The following DLG2 variants were observed in gnomAD, a reference collection of about 807,000 sequenced individuals.
DLG2 encodes discs large MAGUK scaffold protein 2, also known as disks large homolog 2.
Under a neutral mutation model 132.5 loss-of-function variants are expected in DLG2, and 45 were observed. The ratio of observed to expected loss-of-function variants is 0.34; its 90% CI spans 0.27 to 0.44. The LOEUF is 0.44. Among genes scored for constraint, DLG2 ranks in the 20% least tolerant of loss-of-function variants. DLG2 has a pLI of 1.00. For missense variants in DLG2, 1,045 were observed against 1,196.9 expected (o/e 0.87, Z 1.87); for synonymous variants, 424 against 419.6 (o/e 1.01, Z -0.13).
At chr11:85,010,896 G>C (rs1480652723) in intron 6 of DLG2, among the ~76,000 whole-genome samples, 7 of 152,104 alleles carry the variant, frequency 4.6e-5, no homozygotes, top group Non-Finnish European at 8.8e-5. Context: ...TTCTCAAGCA[G>C]TTTGTCTTAT....
At chr11:85,319,961 G>A (rs1157007573) in intron 3 of DLG2, among the ~76,000 whole-genome samples, 1 of 151,644 alleles carries the variant, frequency 6.6e-6, no homozygotes, top group Non-Finnish European at 1.5e-5. Context: ...AACATTTTTG[G>A]GTACTCAATC....
intron 15 of DLG2, among the ~76,000 whole-genome samples, chr11:83,905,645 T>C (rs1164936302): frequency 3.9e-5 from 6 of 152,198 alleles, no homozygotes; most frequent in Non-Finnish European, 7.3e-5. Context: ...ATATATGTTT[T>C]ATGGACCACT....
At chr11:84,727,305 C>G (rs2062600598) in intron 6 of DLG2, among the ~76,000 whole-genome samples, 1 of 152,130 alleles carries the variant, frequency 6.6e-6, no homozygotes, top group Non-Finnish European at 1.5e-5. Context: ...TGTCAGTTTT[C>G]TGCATATGGC....
At position 83,884,374 on chromosome 11, in the gene DLG2, G is replaced by A. The variant is rs534385730; in HGVS notation, c.1497-9886C>T. On this transcript the variant is annotated intron_variant, in intron 15 of 27. Coordinates refer to ENST00000376104, the MANE Select transcript of DLG2 (RefSeq NM_001142699.3). ...GCAGTCTGAGATTAAACTGTAAGGC[G>A]GCAGCGAGGCTAGGGGGAGGGGCGC... is the stretch of plus-strand genomic sequence containing the variant. Among the ~76,000 whole-genome samples, 5 of 152,266 alleles carry A rather than the reference G, an allele frequency of 3.3e-5. No individual in the cohort carries two copies. The South Asian group carries it at 8.3e-4, about 25-fold the overall frequency.
At chr11:83,471,403 G>C (rs2092004522) in intron 24 of DLG2, among the ~76,000 whole-genome samples, 1 of 152,070 alleles carries the variant, frequency 6.6e-6, no homozygotes, top group South Asian at 2.1e-4. Context: ...GCTACAATCA[G>C]TTTAGAGAAA....
chr11:84,483,377 G>C (rs1463058670), intron 7 of DLG2, among the ~76,000 whole-genome samples: 1 of 145,206 alleles, frequency 6.9e-6, no homozygotes, highest in African/African-American at 2.6e-5. Flanking sequence ...GTTGCAGTGA[G>C]CCTGGATCAT....
At chr11:84,844,158 TATATATATATATATG>T (rs2081169924) in intron 6 of DLG2, among the ~76,000 whole-genome samples, 1 of 124,072 alleles carries the variant, frequency 8.1e-6, no homozygotes, top group African/African-American at 2.9e-5. Flanking sequence ...TATATATATA[TATATATATATATATG>T]TATCTCCCCA....
chr11:83,848,466 A>T (rs1443405301), intron 16 of DLG2, among the ~76,000 whole-genome samples: 1 of 151,920 alleles, frequency 6.6e-6, no homozygotes, highest in Non-Finnish European at 1.5e-5. Flanking sequence ...TTCTCCCAGA[A>T]TTTTTTTTCT....
At chr11:84,975,624 G>C (rs1160402917) in intron 6 of DLG2, among the ~76,000 whole-genome samples, 1 of 151,002 alleles carries the variant, frequency 6.6e-6, no homozygotes, top group African/African-American at 2.4e-5. Context: ...ATTTACTTAA[G>C]CCACTATTTA....
chr11:84,791,829 C>T (rs574236730), intron 6 of DLG2, among the ~76,000 whole-genome samples: 164 of 152,164 alleles, frequency 1.1e-3, no homozygotes, highest in Admixed American at 1.5e-3. Flanking sequence ...ATAGCTCTTT[C>T]GGTGGAGTCA....
intron 15 of DLG2, among the ~76,000 whole-genome samples, chr11:83,884,987 A>G (rs2067408421): frequency 6.6e-6 from 1 of 152,172 alleles, no homozygotes; most frequent in Admixed American, 6.5e-5. Context: ...TAAAACCACA[A>G]AGATGGGGAA....
chr11:84,944,316 T>A (rs1016238416), intron 6 of DLG2, among the ~76,000 whole-genome samples: 3 of 152,180 alleles, frequency 2.0e-5, no homozygotes, highest in African/African-American at 7.2e-5. Flanking sequence ...CAAATAAACT[T>A]TCTACCCCAA....
chr11:85,406,347 C>A (rs2088732341), intron 3 of DLG2, among the ~76,000 whole-genome samples: 1 of 151,624 alleles, frequency 6.6e-6, no homozygotes, highest in Admixed American at 6.6e-5. Context: ...AGTCAAGCTT[C>A]ATGAGAGAAT....
rs1462855506 is a variant in DLG2, at chr11:84,689,202, T to C, written c.358-154471A>G. Among the ~76,000 whole-genome samples, 5 of 152,174 alleles carry C rather than the reference T, an allele frequency of 3.3e-5. No individual in the cohort carries two copies. The East Asian group carries it at 9.6e-4, about 29-fold the overall frequency. The stretch of plus-strand genomic sequence containing the variant: ...ATATTGTTCTTAACTTCCTAATATG[T>C]ATAAAATCATCATTTTGTGACATTT... On this transcript the variant is annotated intron_variant, in intron 6 of 27. Coordinates refer to ENST00000376104, the MANE Select transcript of DLG2 (RefSeq NM_001142699.3).
At chr11:84,019,268 T>C (rs1476839336) in intron 11 of DLG2, among the ~76,000 whole-genome samples, 2 of 152,122 alleles carry the variant, frequency 1.3e-5, no homozygotes, top group Non-Finnish European at 2.9e-5. Context: ...TTCCAGGAGT[T>C]TGAGCTCTTA....
At chr11:85,419,052 G>C (rs1446686582) in intron 3 of DLG2, among the ~76,000 whole-genome samples, 1 of 152,146 alleles carries the variant, frequency 6.6e-6, no homozygotes, top group East Asian at 1.9e-4. Context: ...TTTTGCAGTG[G>C]CTTGTACTGG....
At chr11:84,989,290 C>G (rs1472341619) in intron 6 of DLG2, among the ~76,000 whole-genome samples, 14 of 152,184 alleles carry the variant, frequency 9.2e-5, no homozygotes, top group Admixed American at 8.5e-4. Flanking sequence ...ATTCTCCTGT[C>G]TCAGCCTCCT....
chr11:85,276,148 G>T (rs2077878055), intron 4 of DLG2, among the ~76,000 whole-genome samples: 1 of 152,084 alleles, frequency 6.6e-6, no homozygotes, highest in South Asian at 2.1e-4. Flanking sequence ...TGGCAGTTCT[G>T]CCTCCTGAAC....
chr11:84,624,498 T>A (rs1418402572), intron 6 of DLG2, among the ~76,000 whole-genome samples: 1 of 152,192 alleles, frequency 6.6e-6, no homozygotes, highest in African/African-American at 2.4e-5. Context: ...TCAGAATGAC[T>A]ACTGTAGTTA....
Sources: gnomAD v4.1 joint callset for allele counts (sites outside exome capture counted in the v4.1 genomes callset) on GRCh38, gnomAD v4.1.1 for gene constraint, MANE v1.5 for transcripts, NCBI Gene and HGNC (gene_info 2026-07-23, HGNC 2026-07-21) for gene names.